Variants in RXRA observed in about 807,000 individuals in gnomAD.
RXRA encodes the protein retinoid X receptor alpha.
RXRA carries 5 observed loss-of-function variants against 44.5 expected under a neutral mutation model. That is an observed-to-expected ratio of 0.11 (90% CI 0.06 to 0.24). RXRA has a LOEUF of 0.24. RXRA is among the 10% of genes least tolerant of loss of function. The pLI is 1.00. For synonymous variants in RXRA, 291 were observed against 271.4 expected (o/e 1.07, Z -0.71); for missense variants, 412 against 646.5 (o/e 0.64, Z 3.93).
intron 1 of RXRA, among the ~76,000 whole-genome samples, chr9:134,329,367 G>A (rs1421697805): frequency 1.3e-5 from 2 of 152,252 alleles, no homozygotes; most frequent in South Asian, 2.1e-4. Context: ...GGCGCTGCCC[G>A]ACGGCAGGGT....
chr9:134,385,544 G>A (rs1018109285), intron 1 of RXRA, among the ~76,000 whole-genome samples: 6 of 152,170 alleles, frequency 3.9e-5, no homozygotes, highest in Non-Finnish European at 8.8e-5. Flanking sequence ...CGCCCCCCAG[G>A]ATCCGTAATG....
intron 1 of RXRA, among the ~76,000 whole-genome samples, chr9:134,369,223 G>T (rs1398695349): frequency 6.2e-5 from 3 of 48,250 alleles, no homozygotes; most frequent in Non-Finnish European, 1.1e-4. Flanking sequence ...TGTATGGGGG[G>T]TTATGTGTGG....
At chr9:134,412,768 C>G (rs1831170332) in intron 4 of RXRA, among the ~76,000 whole-genome samples, 1 of 152,170 alleles carries the variant, frequency 6.6e-6, no homozygotes, top group Non-Finnish European at 1.5e-5. Context: ...AGGCCTCACC[C>G]TTGGGGGTTC....
chr9:134,344,617 G>A lies in RXRA; in HGVS notation c.28+17958G>A, dbSNP rs189717519. On this transcript the variant is annotated intron_variant, in intron 1 of 9. Transcript: ENST00000481739. ...TGGAGCCCTCTCCTCCCCACCTCCC[G>A]GGCCTCTGAGAACTGTGCTTCTCTG... Among the ~76,000 whole-genome samples, 710 of 152,204 alleles carry A rather than the reference G, an allele frequency of 4.7e-3. 9 individuals carry two copies. Among genetic ancestry groups the A allele is most frequent in the African/African-American group, 0.016 (684 of 41,550 alleles).
chr9:134,327,202 G>C (rs969971285), intron 1 of RXRA, among the ~76,000 whole-genome samples: 1 of 152,138 alleles, frequency 6.6e-6, no homozygotes, highest in Non-Finnish European at 1.5e-5. Context: ...CGGGTGGGCA[G>C]GGTCCCCCGG....
intron 4 of RXRA, among the ~76,000 whole-genome samples, chr9:134,412,028 C>T (rs1394918494): frequency 6.6e-6 from 1 of 152,218 alleles, no homozygotes; most frequent in African/African-American, 2.4e-5. Context: ...GGGTGCTGGG[C>T]AAGACCCCTT....
chr9:134,398,954 C>T (rs1830920626), intron 1 of RXRA, among the ~76,000 whole-genome samples: 1 of 152,276 alleles, frequency 6.6e-6, no homozygotes, highest in African/African-American at 2.4e-5. Context: ...TGTGCACAGT[C>T]ATGCTTTCTT....
At position 134,422,172 on chromosome 9, in the gene RXRA, C is replaced by T. The variant is rs1224471375; in HGVS notation, c.910+367C>T. On this transcript the variant is annotated intron_variant, in intron 6 of 9. Coordinates refer to ENST00000481739, the MANE Select transcript of RXRA (RefSeq NM_002957.6). ...CTTCCCCCTCCTGGGACACACTTCC[C>T]CCTCCTGGGACACACTTCCCCCTCC... The T allele has an allele frequency of 6.2e-6, 8 of 1,295,476 alleles. No homozygotes were observed. In the African/African-American group the frequency reaches 7.6e-5, roughly 12 times the overall value. 80.2% of individuals were successfully genotyped at this position (1,295,476 alleles called of 1,614,324 possible). A position where few individuals can be genotyped will look rare whatever the true frequency, so the allele number is the denominator to read the frequency against.
At chr9:134,424,329 T>C (rs960019576) in intron 6 of RXRA, 32 of 985,268 alleles carry the variant, frequency 3.2e-5, no homozygotes, top group Admixed American at 6.1e-5. Context: ...GGGTGGCCTC[T>C]GCTCCTGCCC....
At chr9:134,329,271 G>A (rs1834964771) in intron 1 of RXRA, among the ~76,000 whole-genome samples, 1 of 152,226 alleles carries the variant, frequency 6.6e-6, no homozygotes, top group Non-Finnish European at 1.5e-5. Context: ...ACATTCCGGG[G>A]CCTCCCGAAA....
At chr9:134,408,371 C>G in intron 3 of RXRA, 72 bp downstream of exon 3, 1 of 1,462,560 alleles carries the variant, frequency 6.8e-7, no homozygotes. Flanking sequence ...GGAGGCCTCC[C>G]CAAATCACCC....
At chr9:134,354,287 C>A (rs546804933) in intron 1 of RXRA, among the ~76,000 whole-genome samples, 1 of 152,210 alleles carries the variant, frequency 6.6e-6, no homozygotes, top group African/African-American at 2.4e-5. Context: ...TCCCTTCTAC[C>A]GGGAGCTTAG....
intron 1 of RXRA, among the ~76,000 whole-genome samples, chr9:134,384,387 C>T (rs937834980): frequency 6.6e-6 from 1 of 152,242 alleles, no homozygotes; most frequent in Non-Finnish European, 1.5e-5. Flanking sequence ...CAGAGGAAAG[C>T]GAACCGTGCT....
chr9:134,399,237 C>T (rs757270089), intron 1 of RXRA, among the ~76,000 whole-genome samples: 1 of 152,200 alleles, frequency 6.6e-6, no homozygotes, highest in Non-Finnish European at 1.5e-5. Context: ...CCCCGCAGTG[C>T]CCTGGTGGGC....
intron 1 of RXRA, chr9:134,380,057 C>G (rs978815977): frequency 1.0e-5 from 10 of 985,276 alleles, no homozygotes; most frequent in Non-Finnish European, 1.2e-5. Flanking sequence ...GCACAATCTT[C>G]CTGCCCTCTC....
intron 6 of RXRA, chr9:134,423,684 C>T (rs912478431): frequency 1.3e-5 from 13 of 985,378 alleles, no homozygotes; most frequent in East Asian, 1.1e-4. Context: ...GGCTGTCTGC[C>T]GTTGCGGGCT....
At chr9:134,381,387 CA>C (rs1248927909) in intron 1 of RXRA, among the ~76,000 whole-genome samples, 2 of 152,086 alleles carry the variant, frequency 1.3e-5, no homozygotes. Flanking sequence ...GGGGCTCTCT[CA>C]GGGCCGTCTC....
intron 1 of RXRA, among the ~76,000 whole-genome samples, chr9:134,338,615 C>A (rs539921548): frequency 6.6e-6 from 1 of 152,332 alleles, no homozygotes; most frequent in Non-Finnish European, 1.5e-5. Context: ...TGATGCTTGC[C>A]GGCTGCTGGT....
chr9:134,346,484 C>G (rs1030554552), intron 1 of RXRA, among the ~76,000 whole-genome samples: 1 of 152,176 alleles, frequency 6.6e-6, no homozygotes, highest in South Asian at 2.1e-4. Flanking sequence ...TCCTTCTGAG[C>G]ACTCACCAGG....
Sources: allele counts gnomAD v4.1 joint callset (sites outside exome capture counted in the v4.1 genomes callset), GRCh38; gene constraint gnomAD v4.1.1; transcripts MANE v1.5; gene names NCBI Gene and HGNC (gene_info 2026-07-23, HGNC 2026-07-21).